Variants in FLNA observed in about 807,000 individuals in gnomAD.
FLNA encodes filamin A.
In FLNA, 7 loss-of-function variants were observed where a neutral mutation model predicts 157.6. The ratio of observed to expected loss-of-function variants is 0.04; its 90% CI spans 0.03 to 0.08. The LOEUF (loss-of-function observed/expected upper bound fraction) is 0.08, where lower values mean the gene tolerates loss of function less well. Among genes scored for constraint, FLNA ranks in the 10% least tolerant of loss-of-function variants. The pLI, the probability that FLNA is intolerant of heterozygous loss-of-function variation, is 1.00. For synonymous variants in FLNA, 1,103 were observed against 1,060.8 expected (o/e 1.04, Z -0.77); for missense variants, 1,750 against 2,398.4 (o/e 0.73, Z 5.65).
At chrX:154,368,112 C>G (rs781865414) in intron 2 of FLNA, 22 bp from the exon 3 acceptor site, 1 of 1,208,421 alleles carries the variant, frequency 8.3e-7, no homozygotes, top group African/African-American at 1.8e-5. Context: ...AGAGTGGCCA[C>G]GCTGGGCACA....
At chrX:154,349,604 G>C (rs1557175332) in intron 46 of FLNA, 39 bp from the exon 47 acceptor site, 1 of 1,209,201 alleles carries the variant, frequency 8.3e-7, no homozygotes, top group Non-Finnish European at 1.1e-6. Flanking sequence ...GGTGGCTGTG[G>C]TGCCGGGCGT....
rs782455612 is a variant in FLNA, at chrX:154,371,266, G to A, written c.-21C>T. 4 of 1,197,993 alleles carry A rather than the reference G, an allele frequency of 3.3e-6. No homozygotes were observed. Among genetic ancestry groups the A allele is most frequent in the South Asian group, 1.8e-5 (1 of 55,511 alleles). On this transcript the variant is annotated 5_prime_UTR_variant, in exon 2 of 48. Transcript: ENST00000369850. ...CTCATTTTGAGGCGCGAGAAGCCGG[G>A]GGGGCGGTGCTGCAGCCTCGGCGAG...
At position 154,359,925 on chromosome X, in the gene FLNA, A is replaced by C. The variant is rs782368711; in HGVS notation, c.3806-20T>G. 3.1e-5 allele frequency: 37 copies of C among 1,207,829 alleles called. No individual in the cohort carries two copies. Among genetic ancestry groups the C allele is most frequent in the East Asian group, 5.9e-5 (2 of 33,731 alleles). On this transcript the variant is annotated intron_variant, in intron 22 of 47. Coordinates refer to ENST00000369850, the MANE Select transcript of FLNA (RefSeq NM_001110556.2). ...AGACACCTGCAAAGGCACAGAGAGG[A>C]GGCTTGGGGCTCGGGGGTTCTGGTC...
At chrX:154,358,020 C>A (rs2067675973) in intron 28 of FLNA, among the ~76,000 whole-genome samples, 179 bp downstream of exon 28, 1 of 112,483 alleles carries the variant, frequency 8.9e-6, no homozygotes, top group Non-Finnish European at 1.9e-5. Context: ...TCTGGGGAAG[C>A]CTGTGCCTGT....
chrX:154,361,571 C>CT lies in FLNA; in HGVS notation c.2945-2dup, dbSNP rs782259560. On this transcript the variant is annotated splice_acceptor_variant, in intron 20 of 47. Coordinates refer to ENST00000369850, the MANE Select transcript of FLNA (RefSeq NM_001110556.2). LOFTEE classifies it high-confidence loss of function. ...TCCTGGTCTTTGCCAACGTCCACCT[C>CT]TGTGGAAACGATGAAAGGAAGGAGA... 8.3e-7 allele frequency: 1 copy of CT among 1,209,764 alleles called. No homozygotes were observed. Among genetic ancestry groups the CT allele is most frequent in the Non-Finnish European group, 1.1e-6 (1 of 895,058 alleles).
chrX:154,363,599 G>C (rs888503110), intron 15 of FLNA, among the ~76,000 whole-genome samples: 12 of 109,944 alleles, frequency 1.1e-4, no homozygotes, highest in Non-Finnish European at 1.9e-4. Flanking sequence ...TGTAGTCCCA[G>C]CTACCCGGGA....
In FLNA at chrX:154,361,587, AG is replaced by A; in HGVS notation, c.2945-18del. On this transcript the variant is annotated intron_variant, in intron 20 of 47. Transcript: ENST00000369850. ...CGTCCACCTCTGTGGAAACGATGAA[AG>A]GAAGGAGAGAGACATGACACCCAGC... 1 of 1,211,416 alleles carries A rather than the reference AG, an allele frequency of 8.3e-7. No individual in the cohort carries two copies. The highest frequency in any genetic ancestry group is 1.1e-6 in the Non-Finnish European group (1 of 895,331).
At chrX:154,349,926 C>G (rs1276032837) in intron 45 of FLNA, 59 bp from the exon 46 acceptor site, 3 of 1,184,047 alleles carry the variant, frequency 2.5e-6, no homozygotes, top group African/African-American at 3.5e-5. Flanking sequence ...CCTCGGCCAC[C>G]CAGCACAGGC....
intron 21 of FLNA, among the ~76,000 whole-genome samples, chrX:154,360,865 G>A (rs1376281696): frequency 1.1e-4 from 12 of 108,401 alleles, no homozygotes; most frequent in African/African-American, 4.0e-4. Flanking sequence ...TGGCCAACAT[G>A]GTGAAATCTC....
Position 154,350,084 on chromosome X carries a change from C to T in FLNA, c.7280G>A (p.Gly2427Glu). ...GTAAGCAGACACCAAGCCTGGGTCC[C>T]CTCCATGCCCAGGCTCCCCAACTCG... ...KIRVGEPGHG[G>E]DPGLVSAYGA... Residue 2427 changes from glycine (G) to glutamate (E), a missense_variant, in exon 45 of 48, where the codon GGG (glycine) becomes GAG (glutamate). Transcript: ENST00000369850. 8.3e-7 allele frequency: 1 copy of T among 1,211,543 alleles called. No homozygotes were observed. Among genetic ancestry groups the T allele is most frequent in the East Asian group, 3.0e-5 (1 of 33,848 alleles).
intron 1 of FLNA, among the ~76,000 whole-genome samples, chrX:154,373,604 C>G (rs912484705): frequency 1.8e-5 from 2 of 112,812 alleles, no homozygotes; most frequent in African/African-American, 6.4e-5. Flanking sequence ...CCTCAGACCC[C>G]AGGCCAGACC....
In FLNA at chrX:154,364,725, A is replaced by G. The variant is rs907386716; in HGVS notation, c.1829-6T>C. 4 of 1,206,451 alleles carry G rather than the reference A, an allele frequency of 3.3e-6. No individual in the cohort carries two copies. In the Admixed American group the frequency reaches 8.8e-5, roughly 26 times the overall value. On this transcript the variant is annotated splice_polypyrimidine_tract_variant and splice_region_variant and intron_variant, in intron 12 of 47. Transcript: ENST00000369850. ...TGGCCCTTCCACCGAGAAGCCTGAC[A>G]ACAGCCACCAGTCCCCTCAGTGCCC...
intron 32 of FLNA, 62 bp from the exon 33 acceptor site, chrX:154,354,545 A>G (rs782167968): frequency 2.6e-6 from 3 of 1,172,486 alleles, no homozygotes; most frequent in East Asian, 6.1e-5. Context: ...CCCTCCTCAC[A>G]CATGGTAAAC....
chrX:154,350,376 G>C, intron 44 of FLNA, 169 bp from the exon 45 acceptor site: 1 of 466,858 alleles, frequency 2.1e-6, no homozygotes, highest in South Asian at 3.1e-5. Flanking sequence ...GAGGGCCGAA[G>C]GTTTAGACAC....
At chrX:154,369,101 G>A (rs1328392425) in intron 2 of FLNA, among the ~76,000 whole-genome samples, 1 of 112,670 alleles carries the variant, frequency 8.9e-6, no homozygotes, top group Non-Finnish European at 1.9e-5. Flanking sequence ...AGTCAACTAG[G>A]GGGCGGGCCT....
intron 36 of FLNA, 39 bp from the exon 37 acceptor site, chrX:154,353,496 A>G (rs782426938): frequency 1.7e-6 from 2 of 1,210,471 alleles, no homozygotes; most frequent in South Asian, 1.8e-5. Context: ...GCGTCCAGCC[A>G]TGGGAGACCA....
chrX:154,368,422 G>A lies in FLNA; in HGVS notation c.374-332C>T, dbSNP rs781981038. On this transcript the variant is annotated intron_variant, in intron 2 of 47. Coordinates refer to ENST00000369850, the MANE Select transcript of FLNA (RefSeq NM_001110556.2). ...AGATGGGCAGCTCTGGAGAACAGCT[G>A]GACAGTGTCCACAGCTGCCAGAGCA... Among the ~76,000 whole-genome samples, 8 of 112,425 alleles carry A rather than the reference G, an allele frequency of 7.1e-5. No homozygotes were observed. The South Asian group carries it at 2.9e-3, about 41-fold the overall frequency.
rs2148114376 is a variant in FLNA at position 154,362,452 on chromosome X, C to T, written c.2531G>A (p.Gly844Asp). The T allele has an allele frequency of 8.3e-7, 1 of 1,210,658 alleles. No individual in the cohort carries two copies. Among genetic ancestry groups the T allele is most frequent in the South Asian group, 1.8e-5 (1 of 56,924 alleles). Residue 844 changes from glycine to aspartate, a missense_variant, in exon 17 of 48, where the codon GGC (glycine) becomes GAC (aspartate). Transcript: ENST00000369850. ...FTVKYTPRGAGSYTIMVLFAD... is the reference protein window; with the variant it reads ...FTVKYTPRGADSYTIMVLFAD... ...AAAGAGGACCATAATGGTGTAGCTG[C>T]CAGCCCCCCGGGGCGTGTACTTGAC... is the stretch of plus-strand genomic sequence containing the variant.
intron 41 of FLNA, 33 bp downstream of exon 41, chrX:154,352,145 CAGG>C: frequency 8.3e-7 from 1 of 1,210,096 alleles, no homozygotes; most frequent in South Asian, 1.8e-5. Context: ...CTGGCCAACG[CAGG>C]AGAGCGAGCA....
Sources: gnomAD v4.1 joint callset for allele counts (sites outside exome capture counted in the v4.1 genomes callset) on GRCh38, gnomAD v4.1.1 for gene constraint, MANE v1.5 for transcripts, NCBI Gene and HGNC (gene_info 2026-07-23, HGNC 2026-07-21) for gene names.